ADGRE3: variants seen among roughly 807,000 people sequenced by gnomAD.
ADGRE3 encodes EGF-like module receptor 3.
Under a neutral mutation model 80.1 loss-of-function variants are expected in ADGRE3, and 88 were observed. The observed-to-expected ratio is 1.10, with a 90% CI of 0.93 to 1.31. ADGRE3 has a LOEUF of 1.31. ADGRE3 is among the 40% of genes most tolerant of loss of function. The probability of loss-of-function intolerance (pLI) is 0.00; values close to 1 mark genes in which losing one functional copy is unlikely to be tolerated. For synonymous variants in ADGRE3, 281 were observed against 294.8 expected (o/e 0.95, Z 0.48); for missense variants, 715 against 776.5 (o/e 0.92, Z 0.94).
chr19:14,649,600 C>T (rs969882438), intron 7 of ADGRE3, among the ~76,000 whole-genome samples: 8 of 144,404 alleles, frequency 5.5e-5, no homozygotes, highest in Admixed American at 4.8e-4. Context: ...CTCTCTCTTT[C>T]GATCTCTGTC....
intron 6 of ADGRE3, among the ~76,000 whole-genome samples, chr19:14,653,086 G>A (rs1263798104): frequency 1.3e-5 from 2 of 151,838 alleles, no homozygotes; most frequent in Non-Finnish European, 2.9e-5. Flanking sequence ...GGGTTCAAGC[G>A]ATTCTCCTTC....
intron 3 of ADGRE3, 131 bp from the exon 4 acceptor site, chr19:14,662,249 G>T: frequency 3.6e-6 from 3 of 823,126 alleles, no homozygotes; most frequent in Middle Eastern, 3.6e-4. Flanking sequence ...TTAGGTAATG[G>T]TTATCTTGGT....
intron 14 of ADGRE3, among the ~76,000 whole-genome samples, chr19:14,625,817 C>T (rs893960121): frequency 3.9e-5 from 6 of 152,024 alleles, no homozygotes; most frequent in South Asian, 2.1e-4. Context: ...TCAGGCTAAG[C>T]GAAATAAGCT....
chr19:14,657,745 A>ATATAT lies in ADGRE3; in HGVS notation c.393+767_393+768insATATA, dbSNP rs113050691. On this transcript the variant is annotated intron_variant, in intron 5 of 15. Coordinates refer to ENST00000253673, the MANE Select transcript of ADGRE3 (RefSeq NM_032571.5). ...CCTATATATACATATATATATATATATTTTTTTGTTTGTTTGTTTGTTTTG... is the reference window on the plus strand; with the variant it reads ...CCTATATATACATATATATATATATATATATTTTTTTTGTTTGTTTGTTTGTTTTG... Among the ~76,000 whole-genome samples, 273 of 126,192 alleles carry ATATAT rather than the reference A, an allele frequency of 2.2e-3. 1 individual carries two copies. The highest frequency in any genetic ancestry group is 0.011 in the East Asian group (39 of 3,556). The allele number at this position is 126,192 out of a possible 152,430, so 82.8% of individuals were successfully genotyped here. A position where few individuals can be genotyped will look rare whatever the true frequency, so the allele number is the denominator to read the frequency against.
chr19:14,611,838 C>A, the ADGRE3 span, among the ~76,000 whole-genome samples: 4 of 151,982 alleles, frequency 2.6e-5, no homozygotes, highest in African/African-American at 9.7e-5. Flanking sequence ...CCTATCTCTA[C>A]TAAAAATACA....
intron 9 of ADGRE3, among the ~76,000 whole-genome samples, chr19:14,642,061 A>G (rs1348092324): frequency 6.6e-6 from 1 of 152,130 alleles, no homozygotes; most frequent in Non-Finnish European, 1.5e-5. Context: ...GGAGTTGGTT[A>G]AGGAGTGAAG....
chr19:14,625,010 C>T (rs1381345624), intron 15 of ADGRE3, among the ~76,000 whole-genome samples: 2 of 152,066 alleles, frequency 1.3e-5, no homozygotes, highest in South Asian at 2.1e-4. Context: ...GACAGAGTCT[C>T]GCTCTGTCAC....
chr19:14,601,918 G>A, the ADGRE3 span, among the ~76,000 whole-genome samples: 28,771 of 151,658 alleles, frequency 0.19, 3,026 homozygotes, highest in Non-Finnish European at 0.23. Flanking sequence ...TCAGCCTCCC[G>A]AGTAGCTGGG....
chr19:14,636,051 T>TCCTC (rs1971040238), intron 11 of ADGRE3, among the ~76,000 whole-genome samples: 3 of 58,004 alleles, frequency 5.2e-5, no homozygotes, highest in Non-Finnish European at 8.3e-5. Context: ...CTTCCTTCCT[T>TCCTC]CCTTCCTTCC....
At chr19:14,668,136 A>G (rs1196616730) in intron 2 of ADGRE3, among the ~76,000 whole-genome samples, 1 of 152,116 alleles carries the variant, frequency 6.6e-6, no homozygotes, top group East Asian at 1.9e-4. Flanking sequence ...CTTTAGTCCC[A>G]GCTACTCGGG....
chr19:14,640,752 A>T (rs1971224468), intron 10 of ADGRE3, among the ~76,000 whole-genome samples: 1 of 152,200 alleles, frequency 6.6e-6, no homozygotes, highest in Non-Finnish European at 1.5e-5. Flanking sequence ...AGATAATTTG[A>T]ATCATGGGGG....
chr19:14,658,112 T>C (rs1971825970), intron 5 of ADGRE3, among the ~76,000 whole-genome samples: 1 of 152,026 alleles, frequency 6.6e-6, no homozygotes, highest in South Asian at 2.1e-4. Flanking sequence ...AATGTCCTCG[T>C]GTAAGTGGAT....
intron 11 of ADGRE3, among the ~76,000 whole-genome samples, chr19:14,634,528 G>T (rs937602637): frequency 7.2e-5 from 11 of 152,116 alleles, no homozygotes; most frequent in South Asian, 6.2e-4. Flanking sequence ...TTTAGTAACT[G>T]TGGTGTGATT....
intron 1 of ADGRE3, among the ~76,000 whole-genome samples, chr19:14,669,127 C>CA (rs1272462946): frequency 2.0e-5 from 3 of 152,154 alleles, no homozygotes; most frequent in East Asian, 3.8e-4. Flanking sequence ...TTTACAGCAG[C>CA]ATTATTCACA....
At chr19:14,618,864 AAAAAAAAT>A (rs916489078), downstream of ADGRE3, among the ~76,000 whole-genome samples, 6 of 148,560 alleles carry the variant, frequency 4.0e-5, no homozygotes, top group African/African-American at 7.7e-5. Flanking sequence ...AAAAAAAAAA[AAAAAAAAT>A]TAGCCTGTAT....
chr19:14,651,611 T>G (rs188303328), intron 6 of ADGRE3, among the ~76,000 whole-genome samples: 3 of 152,310 alleles, frequency 2.0e-5, no homozygotes, highest in African/African-American at 7.2e-5. Flanking sequence ...ACAGTTCTAT[T>G]TCTAGGAGTT....
chr19:14,636,005 CTTTCTTT>C (rs796131789), intron 11 of ADGRE3, among the ~76,000 whole-genome samples: 6,531 of 44,466 alleles, frequency 0.15, 761 homozygotes, highest in Middle Eastern at 0.25. Context: ...CTCTCTTTCT[CTTTCTTT>C]CTTCCTTCCT....
chr19:14,666,008 G>T (rs1391734327), intron 2 of ADGRE3, among the ~76,000 whole-genome samples: 1 of 121,058 alleles, frequency 8.3e-6, no homozygotes, highest in African/African-American at 3.0e-5. Context: ...GTTGATTGAT[G>T]GGCATTTGAA....
At chr19:14,620,381 C>A (rs1170966744) in intron 15 of ADGRE3, among the ~76,000 whole-genome samples, 3 of 30,952 alleles carry the variant, frequency 9.7e-5, no homozygotes, top group Non-Finnish European at 1.4e-4. Flanking sequence ...AAGAGAGATT[C>A]ATATATACAT....
Sources: gnomAD v4.1 joint callset for allele counts (sites outside exome capture counted in the v4.1 genomes callset) on GRCh38, gnomAD v4.1.1 for gene constraint, MANE v1.5 for transcripts, NCBI Gene and HGNC (gene_info 2026-07-23, HGNC 2026-07-21) for gene names.